The following PDS5B variants were observed in gnomAD, a reference collection of about 807,000 sequenced individuals.
PDS5B encodes PDS5 cohesin associated factor B.
Under a neutral mutation model 184.1 loss-of-function variants are expected in PDS5B, and 51 were observed. That is an observed-to-expected ratio of 0.28 (90% CI 0.22 to 0.35). PDS5B has a LOEUF of 0.35. Among genes scored for constraint, PDS5B ranks in the 10% least tolerant of loss-of-function variants. The pLI is 1.00. For missense variants in PDS5B, 1,180 were observed against 1,723.3 expected, an observed-to-expected ratio of 0.68 and a Z score of 5.58; for synonymous variants, 566 against 569.2, an observed-to-expected ratio of 0.99 and a Z score of 0.08.
At chr13:32,616,713 A>G (rs900935170) in intron 1 of PDS5B, among the ~76,000 whole-genome samples, 1 of 152,202 alleles carries the variant, frequency 6.6e-6, no homozygotes, top group Admixed American at 6.5e-5. Flanking sequence ...CTGAGACAAT[A>G]TAGCCTTTTA....
chr13:32,663,329 G>GAA (rs572233586), intron 6 of PDS5B, among the ~76,000 whole-genome samples: 2 of 108,912 alleles, frequency 1.8e-5, no homozygotes, highest in African/African-American at 6.7e-5. Flanking sequence ...AACCAAGCAA[G>GAA]AAAAAAAAAA....
intron 19 of PDS5B, among the ~76,000 whole-genome samples, chr13:32,716,609 G>A (rs572885060): frequency 0.011 from 1,663 of 150,354 alleles, 39 homozygotes; most frequent in African/African-American, 0.039. Flanking sequence ...CCATCCGGGA[G>A]GGAGGTGGGG....
chr13:32,719,791 C>A (rs1319321800), intron 19 of PDS5B, among the ~76,000 whole-genome samples: 1 of 150,838 alleles, frequency 6.6e-6, no homozygotes, highest in Non-Finnish European at 1.5e-5. Flanking sequence ...GACCCCCCCC[C>A]CTTTTTTTTT....
chr13:32,656,557 G>C (rs981714694), intron 3 of PDS5B, among the ~76,000 whole-genome samples: 5 of 149,020 alleles, frequency 3.4e-5, no homozygotes, highest in Non-Finnish European at 7.4e-5. Flanking sequence ...TTACCACCTT[G>C]GGTAGCTGTA....
intron 21 of PDS5B, among the ~76,000 whole-genome samples, chr13:32,735,623 A>G (rs1327869247): frequency 1.3e-5 from 2 of 152,272 alleles, no homozygotes; most frequent in African/African-American, 2.4e-5. Context: ...CAGGACATCT[A>G]TTTTTAAAAA....
chr13:32,658,011 G>T (rs1313354118), intron 3 of PDS5B, among the ~76,000 whole-genome samples: 1 of 152,078 alleles, frequency 6.6e-6, no homozygotes, highest in Non-Finnish European at 1.5e-5. Flanking sequence ...TTGACTTTAA[G>T]ATTATGGCAA....
chr13:32,747,759 C>T (rs929810007), intron 24 of PDS5B, among the ~76,000 whole-genome samples: 3 of 152,134 alleles, frequency 2.0e-5, no homozygotes, highest in African/African-American at 4.8e-5. Context: ...GGAAGACCTG[C>T]AGTCTGTTTG....
intron 19 of PDS5B, among the ~76,000 whole-genome samples, chr13:32,713,983 A>C (rs1055375779): frequency 1.3e-5 from 2 of 152,190 alleles, no homozygotes; most frequent in African/African-American, 4.8e-5. Flanking sequence ...AGTACAAAAG[A>C]GAGAAATTTT....
chr13:32,776,012 A>G lies in PDS5B; in HGVS notation c.*960A>G. 6.2e-6 allele frequency: 1 copy of G among 160,280 alleles called. No homozygotes were observed. The highest frequency in any genetic ancestry group is 1.4e-5 in the Non-Finnish European group (1 of 72,992). 9.9% of individuals were successfully genotyped at this position (160,280 alleles called of 1,614,324 possible). ...ATATAAAACCTGATATATACACATT[A>G]GAAATATTCCAGTTCTCCGTAACAG... On this transcript the variant is annotated 3_prime_UTR_variant, in exon 35 of 35. Coordinates refer to ENST00000315596, the MANE Select transcript of PDS5B (RefSeq NM_015032.4).
intron 1 of PDS5B, among the ~76,000 whole-genome samples, chr13:32,591,961 G>A (rs1035081103): frequency 6.6e-6 from 1 of 152,122 alleles, no homozygotes; most frequent in Non-Finnish European, 1.5e-5. Context: ...GAACAACTCT[G>A]GGTCAGTATG....
intron 19 of PDS5B, among the ~76,000 whole-genome samples, chr13:32,721,134 C>A (rs573581593): frequency 6.6e-6 from 1 of 152,258 alleles, no homozygotes; most frequent in South Asian, 2.1e-4. Flanking sequence ...GTCATCATGG[C>A]CCGTTCTCAA....
intron 1 of PDS5B, among the ~76,000 whole-genome samples, chr13:32,600,858 T>C (rs1426377761): frequency 2.0e-5 from 3 of 152,222 alleles, no homozygotes; most frequent in Non-Finnish European, 4.4e-5. Flanking sequence ...CTTTGAGCTT[T>C]TTAGTTGTTG....
chr13:32,671,951 A>G (rs1593390028), intron 7 of PDS5B, among the ~76,000 whole-genome samples: 1 of 152,262 alleles, frequency 6.6e-6, no homozygotes, highest in East Asian at 1.9e-4. Context: ...TTATATAGAA[A>G]GAAACTTGAC....
At chr13:32,698,757 C>CT (rs1951780691) in intron 15 of PDS5B, among the ~76,000 whole-genome samples, 1 of 151,302 alleles carries the variant, frequency 6.6e-6, no homozygotes, top group Non-Finnish European at 1.5e-5. Context: ...ACAGAGTTCT[C>CT]TCTTTTTTTT....
chr13:32,755,784 T>G, intron 25 of PDS5B, 58 bp from the exon 26 acceptor site: 1 of 846,022 alleles, frequency 1.2e-6, no homozygotes, highest in Non-Finnish European at 1.9e-6. Context: ...TTTGTTTTGT[T>G]TTGTTTTTTG....
At chr13:32,601,902 A>G (rs2057981068) in intron 1 of PDS5B, among the ~76,000 whole-genome samples, 1 of 152,236 alleles carries the variant, frequency 6.6e-6, no homozygotes, top group African/African-American at 2.4e-5. Context: ...CAGCACAAGT[A>G]TAAGGGACAG....
chr13:32,673,103 T>C (rs1950978973), intron 7 of PDS5B, 113 bp from the exon 8 acceptor site: 3 of 868,844 alleles, frequency 3.5e-6, no homozygotes, highest in Non-Finnish European at 5.5e-6. Flanking sequence ...TATTTTGATA[T>C]GCCTAGTTTG....
chr13:32,621,858 A>G (rs1044266447), intron 1 of PDS5B, among the ~76,000 whole-genome samples: 3 of 152,206 alleles, frequency 2.0e-5, no homozygotes, highest in African/African-American at 7.2e-5. Flanking sequence ...AGTAGTTATG[A>G]CAGAAGGTAT....
At chr13:32,628,864 ATT>A (rs34723691) in intron 1 of PDS5B, among the ~76,000 whole-genome samples, 3 of 151,462 alleles carry the variant, frequency 2.0e-5, no homozygotes, top group African/African-American at 4.9e-5. Context: ...TCGATGTCAG[ATT>A]TTTTTTTCCA....
Sources: gnomAD v4.1 joint callset for allele counts (sites outside exome capture counted in the v4.1 genomes callset) on GRCh38, gnomAD v4.1.1 for gene constraint, MANE v1.5 for transcripts, NCBI Gene and HGNC (gene_info 2026-07-23, HGNC 2026-07-21) for gene names.